Variants in CRB1 observed in about 807,000 individuals in gnomAD.
The protein encoded by CRB1 is protein crumbs homolog 1.
Under a neutral mutation model 120.0 loss-of-function variants are expected in CRB1, and 83 were observed. The ratio of observed to expected loss-of-function variants is 0.69; its 90% CI spans 0.58 to 0.83. The LOEUF (loss-of-function observed/expected upper bound fraction) is 0.83. Among genes scored for constraint, CRB1 ranks in the 40% least tolerant of loss-of-function variants. The pLI, the probability that CRB1 is intolerant of heterozygous loss-of-function variation, is 0.00. For synonymous variants in CRB1, 625 were observed against 612.5 expected, an observed-to-expected ratio of 1.02 and a Z score of -0.30; for missense variants, 1,699 against 1,687.6, an observed-to-expected ratio of 1.01 and a Z score of -0.12.
At chr1:197,267,850 A>T (rs533738228), upstream of CRB1, among the ~76,000 whole-genome samples, 1 of 152,318 alleles carries the variant, frequency 6.6e-6, no homozygotes, top group East Asian at 1.9e-4. Flanking sequence ...CATTTTATGC[A>T]GTAGTTTAAG....
chr1:197,404,077 T>C (rs1486186536), intron 5 of CRB1, among the ~76,000 whole-genome samples: 1 of 152,232 alleles, frequency 6.6e-6, no homozygotes, highest in Non-Finnish European at 1.5e-5. Flanking sequence ...AAATAAAATA[T>C]AGTCCTCTGT....
chr1:197,415,531 C>T (rs1663934788), intron 5 of CRB1, among the ~76,000 whole-genome samples: 1 of 152,018 alleles, frequency 6.6e-6, no homozygotes, highest in Non-Finnish European at 1.5e-5. Flanking sequence ...TCATTGTCAC[C>T]TCTAAATGTT....
At chr1:197,382,848 G>A (rs1348704978) in intron 5 of CRB1, among the ~76,000 whole-genome samples, 1 of 152,166 alleles carries the variant, frequency 6.6e-6, no homozygotes, top group East Asian at 1.9e-4. Flanking sequence ...TTGGGAAGGA[G>A]AGAGACAAGA....
chr1:197,248,377 G>A, the CRB1 span, among the ~76,000 whole-genome samples: 5 of 152,062 alleles, frequency 3.3e-5, no homozygotes, highest in South Asian at 8.3e-4. Context: ...CCAGTTACTG[G>A]ACCTCAGTTT....
chr1:197,210,328 A>C, the CRB1 span, among the ~76,000 whole-genome samples: 1 of 152,152 alleles, frequency 6.6e-6, no homozygotes. Context: ...GAGTAAAGAA[A>C]ATTACCCTCC....
chr1:197,319,259 T>TAA (rs1284967148), intron 1 of CRB1, among the ~76,000 whole-genome samples: 552 of 49,048 alleles, frequency 0.011, 65 homozygotes, highest in African/African-American at 0.045. Flanking sequence ...CTGTCTCTAC[T>TAA]AAAAAAAAAA....
intron 1 of CRB1, among the ~76,000 whole-genome samples, chr1:197,297,668 G>T (rs1282910036): frequency 6.6e-6 from 1 of 152,138 alleles, no homozygotes; most frequent in Non-Finnish European, 1.5e-5. Context: ...GAGATCTGAT[G>T]ATTGAGGATC....
the CRB1 span, among the ~76,000 whole-genome samples, chr1:197,214,998 G>A: frequency 6.6e-6 from 1 of 152,130 alleles, no homozygotes; most frequent in South Asian, 2.1e-4. Context: ...CCTTGATCAA[G>A]TGGTATTTTA....
chr1:197,327,428 T>C (rs1005761937), intron 1 of CRB1, among the ~76,000 whole-genome samples: 4 of 152,226 alleles, frequency 2.6e-5, no homozygotes, highest in African/African-American at 9.6e-5. Context: ...CACCTTGCAC[T>C]GTTTCATTGC....
At chr1:197,448,295 G>T (rs1008496275) in intron 11 of CRB1, among the ~76,000 whole-genome samples, 26 of 151,972 alleles carry the variant, frequency 1.7e-4, no homozygotes, top group African/African-American at 6.3e-4. Flanking sequence ...TTTTCCTGGG[G>T]GGTCTTTGTG....
At chr1:197,234,100 C>A in the CRB1 span, among the ~76,000 whole-genome samples, 1 of 152,150 alleles carries the variant, frequency 6.6e-6, no homozygotes, top group African/African-American at 2.4e-5. Context: ...CATGTGGATG[C>A]ATCTATGGGA....
rs992515006 is a variant in CRB1, at chr1:197,408,342, A to C, written c.1172-12658A>C. Among the ~76,000 whole-genome samples the C allele has an allele frequency of 3.9e-5, 6 of 152,172 alleles. No individual in the cohort carries two copies. The East Asian group carries it at 9.6e-4, about 24-fold the overall frequency. On this transcript the variant is annotated intron_variant, in intron 5 of 11. Transcript: ENST00000367400. ...AGAAAGTTGGGATTTTGAAAAAACG[A>C]AAGAGAGAGAGAAAACTTTGAATGT...
At chr1:197,455,588 A>G (rs1019963554) in intron 11 of CRB1, among the ~76,000 whole-genome samples, 9 of 152,216 alleles carry the variant, frequency 5.9e-5, no homozygotes, top group African/African-American at 2.2e-4. Flanking sequence ...ATTCATTGCT[A>G]AATTTTTTCT....
At chr1:197,332,965 C>G (rs997362740) in intron 2 of CRB1, among the ~76,000 whole-genome samples, 15 of 152,250 alleles carry the variant, frequency 9.9e-5, no homozygotes, top group Middle Eastern at 3.4e-3. Flanking sequence ...CATCAGCAAT[C>G]AGCATGGATG....
At chr1:197,273,239 G>A (rs1478611948) in intron 1 of CRB1, among the ~76,000 whole-genome samples, 1 of 151,998 alleles carries the variant, frequency 6.6e-6, no homozygotes, top group African/African-American at 2.4e-5. Context: ...TTAGTTTTGT[G>A]TTTTCCTCAT....
intron 11 of CRB1, among the ~76,000 whole-genome samples, chr1:197,476,362 TTGTGTG>T (rs35012815): frequency 2.2e-3 from 305 of 140,486 alleles, no homozygotes; most frequent in East Asian, 7.2e-3. Flanking sequence ...TTATGATTAT[TTGTGTG>T]TGTGTGTGTG....
intron 5 of CRB1, among the ~76,000 whole-genome samples, chr1:197,398,710 G>C (rs553098522): frequency 6.6e-6 from 1 of 152,222 alleles, no homozygotes; most frequent in Admixed American, 6.5e-5. Flanking sequence ...GATTATTTCA[G>C]CTTGGAAAAT....
the CRB1 span, among the ~76,000 whole-genome samples, chr1:197,233,428 C>A: frequency 5.9e-5 from 9 of 151,940 alleles, no homozygotes; most frequent in African/African-American, 1.7e-4. Flanking sequence ...AACCACAGTT[C>A]TCTACACTGC....
the CRB1 span, among the ~76,000 whole-genome samples, chr1:197,226,601 G>A: frequency 6.6e-6 from 1 of 151,982 alleles, no homozygotes; most frequent in Non-Finnish European, 1.5e-5. Flanking sequence ...GTTTAGATGA[G>A]GTCATGAGGG....
Sources: gnomAD v4.1 joint callset for allele counts (sites outside exome capture counted in the v4.1 genomes callset) on GRCh38, gnomAD v4.1.1 for gene constraint, MANE v1.5 for transcripts, NCBI Gene and HGNC (gene_info 2026-07-23, HGNC 2026-07-21) for gene names.